Variants in TIGD4 observed in about 807,000 individuals in gnomAD.
The protein encoded by TIGD4 is tigger transposable element derived 4.
Under a neutral mutation model 24.9 loss-of-function variants are expected in TIGD4, and 20 were observed. The ratio of observed to expected loss-of-function variants is 0.80; its 90% confidence interval spans 0.56 to 1.17. The LOEUF (loss-of-function observed/expected upper bound fraction) is 1.17. Among genes scored for constraint, TIGD4 ranks in the 50% most tolerant of loss-of-function variants. The pLI is 0.00. For missense variants in TIGD4, 566 were observed against 591.0 expected, an observed-to-expected ratio of 0.96 and a Z score of 0.44; for synonymous variants, 193 against 211.0, an observed-to-expected ratio of 0.91 and a Z score of 0.74.
Position 152,769,402 on chromosome 4 carries a change from T to C in TIGD4, c.*64A>G, listed in dbSNP as rs1730114840. On this transcript the variant is annotated 3_prime_UTR_variant, in exon 2 of 2. Transcript: ENST00000304337. ...TTTAAGTGGTGTGGTACAACTCCTTTACATACCTTATATAATAAAATGTAT... is the reference window on the plus strand; with the variant it reads ...TTTAAGTGGTGTGGTACAACTCCTTCACATACCTTATATAATAAAATGTAT... 4 of 1,206,008 alleles carry C rather than the reference T, an allele frequency of 3.3e-6. No homozygotes were observed. Among genetic ancestry groups the C allele is most frequent in the Non-Finnish European group, 3.4e-6 (3 of 885,422 alleles). 74.7% of individuals were successfully genotyped at this position (1,206,008 alleles called of 1,614,324 possible).
At position 152,769,560 on chromosome 4, in the gene TIGD4, A is replaced by G; in HGVS notation, c.1445T>C (p.Leu482Pro). ...KSEAITALDT[L>P]KKFLRSQDMN... ...ATCTTGACTTCTGAGAAATTTTTTC[A>G]GAGTATCTAAAGCAGTTATTGCCTC... The change falls in exon 2 of 2, where the codon CTG becomes CCG. Residue 482 changes from leucine to proline, a missense_variant. By Grantham distance (98) the Leu-to-Pro change is moderately conservative. Coordinates refer to ENST00000304337, the MANE Select transcript of TIGD4 (RefSeq NM_145720.4). The G allele has an allele frequency of 6.2e-7, 1 of 1,606,302 alleles. No homozygotes were observed. Among genetic ancestry groups the G allele is most frequent in the South Asian group, 1.1e-5 (1 of 89,152 alleles).
intron 1 of TIGD4, among the ~76,000 whole-genome samples, chr4:152,771,922 A>G (rs769785288): frequency 3.9e-5 from 6 of 152,160 alleles, no homozygotes; most frequent in African/African-American, 9.7e-5. Context: ...AACTTCTCCA[A>G]AAGAAAACAT....
rs527498419 is a variant in TIGD4 at position 152,770,072 on chromosome 4, T to G, written c.933A>C (p.Leu311Phe). ...SIELAFFPSC[L>F]SSKCIAMKQG... ...GTTTCATAGCTATACATTTGGAAGA[T>G]AAACATGATGGAAAGAATGCTAACT... Residue 311 changes from leucine (L) to phenylalanine (F), a missense_variant, in exon 2 of 2, where the codon TTA becomes TTC. By Grantham distance (22) the Leu-to-Phe change is conservative. Transcript: ENST00000304337. 2.5e-5 allele frequency: 41 copies of G among 1,614,068 alleles called. No individual in the cohort carries two copies. In the South Asian group the frequency reaches 4.4e-4, roughly 17 times the overall value.
chr4:152,770,188 C>T lies in TIGD4; in HGVS notation c.817G>A (p.Asp273Asn), dbSNP rs768876332. Residue 273 changes from aspartate to asparagine, a missense_variant, in exon 2 of 2, where the codon GAT becomes AAT. Transcript: ENST00000304337. ...DVFEQWMRKL[D>N]EEFQAQQRRV... is the part of the protein sequence containing the mutation. ...CGTTGCTGGGCTTGAAATTCCTCAT[C>T]AAGCTTTCGCATCCATTGTTCAAAT... is the stretch of plus-strand genomic sequence containing the variant. 1.9e-6 allele frequency: 3 copies of T among 1,614,072 alleles called. No homozygotes were observed. Among genetic ancestry groups the T allele is most frequent in the Admixed American group, 1.7e-5 (1 of 60,018 alleles).
chr4:152,770,431 A>G lies in TIGD4; in HGVS notation c.574T>C (p.Leu192=). ...TTAAATGCAAATGTATTGGTAGGTAACATTCGATAAAGCAGCCCAGTCTCT... is the reference window on the plus strand; with the variant it reads ...TTAAATGCAAATGTATTGGTAGGTAGCATTCGATAAAGCAGCCCAGTCTCT... ...IKETGLLYRM[L]PTNTFAFKGE... The change falls in exon 2 of 2, where the codon TTA becomes CTA. Residue 192 remains leucine, a synonymous_variant. Transcript: ENST00000304337. The G allele has an allele frequency of 6.2e-7, 1 of 1,613,854 alleles. No homozygotes were observed. Among genetic ancestry groups the G allele is most frequent in the Non-Finnish European group, 8.5e-7 (1 of 1,179,912 alleles).
chr4:152,777,586 AAGGG>A lies in TIGD4; in HGVS notation c.-539+1892_-539+1895del, dbSNP rs372645622. Among the ~76,000 whole-genome samples the A allele has an allele frequency of 3.3e-4, 47 of 140,486 alleles. No individual in the cohort carries two copies. In the South Asian group the frequency reaches 7.6e-3, roughly 23 times the overall value. 92.2% of individuals were successfully genotyped at this position (140,486 alleles called of 152,430 possible). ...GAGGGGAGAAAGGAAAAAAGGAAGGAAGGGAGGGAGGGAGGGAAGGAGGAAAGAA... is the reference window on the plus strand; with the variant it reads ...GAGGGGAGAAAGGAAAAAAGGAAGGAAGGGAGGGAGGGAAGGAGGAAAGAA... On this transcript the variant is annotated intron_variant, in intron 1 of 1. Coordinates refer to ENST00000304337, the MANE Select transcript of TIGD4 (RefSeq NM_145720.4).
intron 1 of TIGD4, among the ~76,000 whole-genome samples, chr4:152,771,951 A>G (rs1359730960): frequency 6.6e-6 from 1 of 152,190 alleles, no homozygotes; most frequent in Non-Finnish European, 1.5e-5. Flanking sequence ...AGTAGTCACA[A>G]GGTTCAACTT....
intron 1 of TIGD4, among the ~76,000 whole-genome samples, chr4:152,774,546 TC>T (rs1730229984): frequency 6.6e-6 from 1 of 152,216 alleles, no homozygotes; most frequent in Non-Finnish European, 1.5e-5. Context: ...TTAATCATTC[TC>T]CCTCTTGAAA....
rs868062749 is a variant in TIGD4 at position 152,771,439 on chromosome 4, C to T, written c.-435G>A. The stretch of plus-strand genomic sequence containing the variant: ...AGAAGGCCTCAGAGATAAGAAAAAA[C>T]GTTCAAAAGTTTTCATGCAACTATT... On this transcript the variant is annotated 5_prime_UTR_variant, in exon 2 of 2. Coordinates refer to ENST00000304337, the MANE Select transcript of TIGD4 (RefSeq NM_145720.4). 4.8e-5 allele frequency: 8 copies of T among 167,296 alleles called. No homozygotes were observed. Among genetic ancestry groups the T allele is most frequent in the Non-Finnish European group, 7.3e-5 (5 of 68,642 alleles). The allele number at this position is 167,296 out of a possible 1,614,324, so 10.4% of individuals were successfully genotyped here.
intron 1 of TIGD4, among the ~76,000 whole-genome samples, chr4:152,771,936 C>A (rs1404754141): frequency 1.3e-5 from 2 of 152,138 alleles, no homozygotes; most frequent in Non-Finnish European, 1.5e-5. Context: ...AAAACATACT[C>A]AGACAGTAGT....
In TIGD4 at chr4:152,769,607, T is replaced by C. The variant is rs570831194; in HGVS notation, c.1398A>G (p.Glu466=). The C allele has an allele frequency of 2.6e-5, 42 of 1,613,560 alleles. No homozygotes were observed. Among genetic ancestry groups the C allele is most frequent in the Non-Finnish European group, 3.5e-5 (41 of 1,179,776 alleles). The change falls in exon 2 of 2, where the codon GAA becomes GAG. Residue 466 remains glutamate (E), a synonymous_variant. Coordinates refer to ENST00000304337, the MANE Select transcript of TIGD4 (RefSeq NM_145720.4). ...EEDDDGSPGT[E]LPLPSKSEAI... The stretch of plus-strand genomic sequence containing the variant: ...CCTCAGATTTTGATGGTAAAGGGAG[T>C]TCAGTTCCTGGAGATCCATCATCAT...
At chr4:152,777,542 A>T (rs912506744) in intron 1 of TIGD4, among the ~76,000 whole-genome samples, 10 of 150,024 alleles carry the variant, frequency 6.7e-5, no homozygotes, top group African/African-American at 2.4e-4. Flanking sequence ...GGAAGGAAGG[A>T]AGAAAAAAAG....
In TIGD4 at chr4:152,770,778, C is replaced by T. The variant is rs771691167; in HGVS notation, c.227G>A (p.Arg76Lys). The T allele has an allele frequency of 6.2e-7, 1 of 1,611,190 alleles. No homozygotes were observed. The part of the protein sequence containing the change: ...AFESLRFDPK[R>K]KRLRTAFYTD... ...GTAAAAAGCAGTTCTCAGTCTTTTT[C>T]TCTTTGGATCAAATCTTAGAGATTC... is the stretch of plus-strand genomic sequence containing the variant. The change falls in exon 2 of 2, where the codon AGA (arginine) becomes AAA (lysine). Residue 76 changes from arginine (R) to lysine (K), a missense_variant. Coordinates refer to ENST00000304337, the MANE Select transcript of TIGD4 (RefSeq NM_145720.4).
Position 152,769,423 on chromosome 4 carries a change from T to C in TIGD4, c.*43A>G, listed in dbSNP as rs562826259. ...CCTTTACATACCTTATATAATAAAA[T>C]GTATCAGGAAAAGCTATTACTCTTT... On this transcript the variant is annotated 3_prime_UTR_variant, in exon 2 of 2. Transcript: ENST00000304337. 258 of 1,326,342 alleles carry C rather than the reference T, an allele frequency of 1.9e-4. 3 individuals are homozygous for C. In the South Asian group the frequency reaches 3.8e-3, roughly 20 times the overall value. 82.2% of individuals were successfully genotyped at this position (1,326,342 alleles called of 1,614,324 possible).
chr4:152,769,620 G>A lies in TIGD4; in HGVS notation c.1385C>T (p.Ser462Phe), dbSNP rs768226358. 1.9e-6 allele frequency: 3 copies of A among 1,613,578 alleles called. No homozygotes were observed. In the African/African-American group the frequency reaches 4.0e-5, roughly 22 times the overall value. Residue 462 changes from serine (S) to phenylalanine (F), a missense_variant, in exon 2 of 2, where the codon TCT becomes TTT. Transcript: ENST00000304337. ...TGGTAAAGGGAGTTCAGTTCCTGGA[G>A]ATCCATCATCATCCTCTTCATCAGA... The part of the protein sequence containing the change: ...YTSDEEDDDG[S>F]PGTELPLPSK...
chr4:152,777,411 T>C (rs76653966), intron 1 of TIGD4, among the ~76,000 whole-genome samples: 8,072 of 152,082 alleles, frequency 0.053, 352 homozygotes, highest in Middle Eastern at 0.12. Flanking sequence ...TTCTTACCTC[T>C]CTAAAAATAA....
chr4:152,775,684 C>T (rs1419392415), intron 1 of TIGD4, among the ~76,000 whole-genome samples: 1 of 152,190 alleles, frequency 6.6e-6, no homozygotes, highest in African/African-American at 2.4e-5. Context: ...CTCTGACTTC[C>T]TCTACTGCCA....
rs748667867 is a variant in TIGD4, at chr4:152,770,369, G to C, written c.636C>G (p.Asp212Glu). ...ETCSVGKLCKDRITLVVGTNM... is the reference protein window; with the variant it reads ...ETCSVGKLCKERITLVVGTNM... ...TTGTGCCAACCACCAGAGTTATTCT[G>C]TCTTTGCATAACTTTCCAACTGAAC... Residue 212 changes from aspartate to glutamate, a missense_variant, in exon 2 of 2, where the codon GAC (aspartate) becomes GAG (glutamate). By Grantham distance (45) the Asp-to-Glu change is conservative. Transcript: ENST00000304337. 2 of 1,614,068 alleles carry C rather than the reference G, an allele frequency of 1.2e-6. No individual in the cohort carries two copies. Among genetic ancestry groups the C allele is most frequent in the African/African-American group, 2.7e-5 (2 of 75,056 alleles).
chr4:152,769,372 T>C lies in TIGD4; in HGVS notation c.*94A>G. ...CCAAGGATTAGCAGTTTTCCATTTT[T>C]TATGTTTAAGTGGTGTGGTACAACT... On this transcript the variant is annotated 3_prime_UTR_variant, in exon 2 of 2. Coordinates refer to ENST00000304337, the MANE Select transcript of TIGD4 (RefSeq NM_145720.4). 2 of 888,296 alleles carry C rather than the reference T, an allele frequency of 2.3e-6. No homozygotes were observed. The highest frequency in any genetic ancestry group is 3.1e-6 in the Non-Finnish European group (2 of 640,848). 55.0% of individuals were successfully genotyped at this position (888,296 alleles called of 1,614,324 possible).
Sources: gnomAD v4.1 joint callset for allele counts (sites outside exome capture counted in the v4.1 genomes callset) on GRCh38, gnomAD v4.1.1 for gene constraint, MANE v1.5 for transcripts, NCBI Gene and HGNC (gene_info 2026-07-23, HGNC 2026-07-21) for gene names.